PRKG1: variants seen among roughly 807,000 people sequenced by gnomAD.
The protein encoded by PRKG1 is protein kinase cGMP-dependent 1, also known as cGMP-dependent protein kinase 1.
PRKG1 carries 35 observed loss-of-function variants against 88.1 expected under a neutral mutation model. The ratio of observed to expected loss-of-function variants is 0.40; its 90% CI spans 0.30 to 0.53. PRKG1 has a LOEUF of 0.53. PRKG1 is among the 20% of genes least tolerant of loss of function. The probability of loss-of-function intolerance (pLI) is 0.59; values close to 1 mark genes in which losing one functional copy is unlikely to be tolerated. For missense variants in PRKG1, 540 were observed against 839.8 expected (o/e 0.64, Z 4.41); for synonymous variants, 303 against 292.5 (o/e 1.04, Z -0.37).
intron 5 of PRKG1, among the ~76,000 whole-genome samples, chr10:52,014,318 G>T (rs1315276916): frequency 1.3e-5 from 2 of 152,072 alleles, no homozygotes; most frequent in East Asian, 1.9e-4. Flanking sequence ...TTATATGGTG[G>T]CAGGAGAGAG....
chr10:52,075,567 C>A (rs1030069644), intron 7 of PRKG1, among the ~76,000 whole-genome samples: 3 of 152,162 alleles, frequency 2.0e-5, no homozygotes, highest in Non-Finnish European at 4.4e-5. Flanking sequence ...ATTGATGTAG[C>A]AGAATGAAGA....
At chr10:51,039,690 G>A (rs1843395441) in intron 1 of PRKG1, among the ~76,000 whole-genome samples, 1 of 152,052 alleles carries the variant, frequency 6.6e-6, no homozygotes, top group Non-Finnish European at 1.5e-5. Context: ...GTCCTGGAGA[G>A]TTTTCCCAAT....
chr10:51,096,135 A>G (rs2131873183), intron 1 of PRKG1, among the ~76,000 whole-genome samples: 1 of 152,244 alleles, frequency 6.6e-6, no homozygotes, highest in Admixed American at 6.6e-5. Flanking sequence ...AATGGTAGAT[A>G]AAATGAAGGC....
intron 2 of PRKG1, among the ~76,000 whole-genome samples, chr10:51,232,134 T>G (rs2132110540): frequency 6.6e-6 from 1 of 152,292 alleles, no homozygotes; most frequent in African/African-American, 2.4e-5. Context: ...GAGCAATTTC[T>G]GTGGGCATGT....
chr10:51,271,434 T>C (rs1839977973), intron 2 of PRKG1, among the ~76,000 whole-genome samples: 1 of 152,116 alleles, frequency 6.6e-6, no homozygotes, highest in Non-Finnish European at 1.5e-5. Context: ...TGTGACAAAC[T>C]TTGCAAAAAG....
chr10:52,264,759 CT>C (rs2132421656), intron 10 of PRKG1, among the ~76,000 whole-genome samples: 1 of 152,206 alleles, frequency 6.6e-6, no homozygotes, highest in African/African-American at 2.4e-5. Context: ...GAGAAAGCTA[CT>C]GCTACTTTTT....
intron 2 of PRKG1, among the ~76,000 whole-genome samples, chr10:51,401,964 CCTCT>C (rs957977177): frequency 9.2e-5 from 14 of 152,138 alleles, no homozygotes; most frequent in Non-Finnish European, 7.4e-5. Context: ...AAAAATGCTG[CCTCT>C]CTATTTATCC....
chr10:51,060,890 A>AT (rs1345184099), intron 1 of PRKG1, among the ~76,000 whole-genome samples: 3 of 151,678 alleles, frequency 2.0e-5, no homozygotes, highest in African/African-American at 7.3e-5. Flanking sequence ...TCGTTGTCAG[A>AT]TTTTTTTTCA....
chr10:52,240,485 G>C (rs1480803545), intron 9 of PRKG1, among the ~76,000 whole-genome samples: 1 of 152,128 alleles, frequency 6.6e-6, no homozygotes, highest in Non-Finnish European at 1.5e-5. Flanking sequence ...AAAGTATGGA[G>C]TTTAGTTTCA....
chr10:52,170,806 T>A (rs554865374), intron 9 of PRKG1, among the ~76,000 whole-genome samples: 1 of 152,348 alleles, frequency 6.6e-6, no homozygotes, highest in East Asian at 1.9e-4. Context: ...TAAAAGATGT[T>A]CTCTCATTAC....
intron 1 of PRKG1, among the ~76,000 whole-genome samples, chr10:51,011,683 C>T (rs1165321014): frequency 6.6e-6 from 1 of 152,162 alleles, no homozygotes; most frequent in Non-Finnish European, 1.5e-5. Flanking sequence ...AAAGGATTTG[C>T]AGCCACTTAA....
intron 9 of PRKG1, among the ~76,000 whole-genome samples, chr10:52,173,667 T>A (rs1838775104): frequency 6.6e-6 from 1 of 152,162 alleles, no homozygotes; most frequent in Non-Finnish European, 1.5e-5. Flanking sequence ...TTAGTCAACT[T>A]TATAAACTCT....
intron 3 of PRKG1, among the ~76,000 whole-genome samples, chr10:51,495,492 T>C (rs1840826783): frequency 6.6e-6 from 1 of 152,222 alleles, no homozygotes; most frequent in East Asian, 1.9e-4. Flanking sequence ...TAAGGAAAGA[T>C]ATCATTCCAT....
chr10:52,218,976 A>T (rs187286466), intron 9 of PRKG1, among the ~76,000 whole-genome samples: 1 of 152,330 alleles, frequency 6.6e-6, no homozygotes, highest in Non-Finnish European at 1.5e-5. Context: ...GTAGTTAGAT[A>T]AGCTGAAGAT....
chr10:51,633,306 T>G (rs1839573210), intron 3 of PRKG1, among the ~76,000 whole-genome samples: 1 of 152,164 alleles, frequency 6.6e-6, no homozygotes, highest in Non-Finnish European at 1.5e-5. Context: ...ATTAGTAATA[T>G]TGTTAACCTG....
intron 5 of PRKG1, among the ~76,000 whole-genome samples, chr10:52,030,976 A>C (rs1224184676): frequency 6.6e-6 from 1 of 152,144 alleles, no homozygotes; most frequent in African/African-American, 2.4e-5. Flanking sequence ...CTATTTTTAC[A>C]TGTGTTTATA....
intron 2 of PRKG1, among the ~76,000 whole-genome samples, chr10:51,291,036 CTT>C (rs1840569979): frequency 6.6e-6 from 1 of 152,168 alleles, no homozygotes; most frequent in African/African-American, 2.4e-5. Context: ...AAAATACAGT[CTT>C]CAGTGAAGTG....
At position 51,017,692 on chromosome 10, in the gene PRKG1, T is replaced by C. The variant is rs371666944; in HGVS notation, c.266+26048T>C. On this transcript the variant is annotated intron_variant, in intron 1 of 17. Coordinates refer to the PRKG1 transcript ENST00000401604. Reference sequence around the variant, plus strand: ...ATTAATCTGTGATCTCCTACAATCTTTACATTGGGATAGGTGTCATTTTAA... The same window carrying C: ...ATTAATCTGTGATCTCCTACAATCTCTACATTGGGATAGGTGTCATTTTAA... Among the ~76,000 whole-genome samples, 62 of 152,272 alleles carry C rather than the reference T, an allele frequency of 4.1e-4. 2 individuals carry two copies. In the South Asian group the frequency reaches 0.012, roughly 29 times the overall value.
intron 2 of PRKG1, among the ~76,000 whole-genome samples, chr10:51,364,615 C>T (rs192044175): frequency 4.6e-5 from 7 of 151,900 alleles, no homozygotes; most frequent in African/African-American, 1.4e-4. Context: ...CCTAAATTCC[C>T]TTTATAAGGA....
Sources: allele counts gnomAD v4.1 joint callset (sites outside exome capture counted in the v4.1 genomes callset), GRCh38; gene constraint gnomAD v4.1.1; transcripts MANE v1.5; gene names NCBI Gene and HGNC (gene_info 2026-07-23, HGNC 2026-07-21).